The following TGFBRAP1 variants were observed in gnomAD, a reference collection of about 807,000 sequenced individuals.
TGFBRAP1 encodes transforming growth factor beta receptor associated protein 1.
Under a neutral mutation model 83.2 loss-of-function variants are expected in TGFBRAP1, and 20 were observed. That is an observed-to-expected ratio of 0.24 (90% CI 0.17 to 0.35). TGFBRAP1 has a LOEUF of 0.35. Ranked by LOEUF, TGFBRAP1 falls within the 10% of genes least tolerant of loss-of-function variation. The pLI is 1.00. For synonymous variants in TGFBRAP1, 415 were observed against 459.8 expected, an observed-to-expected ratio of 0.90 and a Z score of 1.25; for missense variants, 950 against 1,099.4, an observed-to-expected ratio of 0.86 and a Z score of 1.92.
In TGFBRAP1 at chr2:105,314,592, G is replaced by A. The variant is rs528756874; in HGVS notation, c.-17-6274C>T. Among the ~76,000 whole-genome samples, 27 of 151,966 alleles carry A rather than the reference G, an allele frequency of 1.8e-4. No individual in the cohort carries two copies. In the South Asian group the frequency reaches 3.3e-3, roughly 19 times the overall value. On this transcript the variant is annotated intron_variant, in intron 1 of 11. Transcript: ENST00000393359. ...ACGGCAGCCCTAGAAAGTAATACAC[G>A]ATCTCAGTTCAACACTGTATTAGGA...
At chr2:105,259,586 T>C (rs1676742492), downstream of TGFBRAP1, among the ~76,000 whole-genome samples, 1 of 151,890 alleles carries the variant, frequency 6.6e-6, no homozygotes. Context: ...GTTGTAGAGG[T>C]TTATATGAAG....
chr2:105,268,095 C>G (rs1431109359), intron 11 of TGFBRAP1, among the ~76,000 whole-genome samples: 1 of 152,204 alleles, frequency 6.6e-6, no homozygotes, highest in Non-Finnish European at 1.5e-5. Flanking sequence ...CGGTCCCTGT[C>G]TGATCAACAG....
At chr2:105,326,075 CTTAATA>C (rs1461630347) in intron 1 of TGFBRAP1, among the ~76,000 whole-genome samples, 1 of 151,992 alleles carries the variant, frequency 6.6e-6, no homozygotes, top group African/African-American at 2.4e-5. Flanking sequence ...AACTTGTCAT[CTTAATA>C]TTATCATGAT....
intron 4 of TGFBRAP1, among the ~76,000 whole-genome samples, chr2:105,293,590 C>T (rs1310539199): frequency 6.6e-6 from 1 of 152,200 alleles, no homozygotes; most frequent in Non-Finnish European, 1.5e-5. Flanking sequence ...AGCATGTGGT[C>T]ACAAACACTC....
intron 6 of TGFBRAP1, among the ~76,000 whole-genome samples, chr2:105,278,068 ATGTGTG>A (rs56983977): frequency 0.091 from 13,282 of 145,406 alleles, 817 homozygotes; most frequent in African/African-American, 0.17. Context: ...CAAAAAATAT[ATGTGTG>A]TGTGTGTGTG....
At chr2:105,304,646 G>T (rs1678432489) in intron 2 of TGFBRAP1, among the ~76,000 whole-genome samples, 1 of 152,206 alleles carries the variant, frequency 6.6e-6, no homozygotes, top group Admixed American at 6.5e-5. Context: ...AGCTGAGCAT[G>T]GTGGCACATG....
In TGFBRAP1 at chr2:105,308,214, C is replaced by A; in HGVS notation, c.88G>T (p.Val30Leu). Residue 30 changes from valine (V) to leucine (L), a missense_variant, in exon 2 of 12, where the codon GTG becomes TTG. Coordinates refer to ENST00000393359, the MANE Select transcript of TGFBRAP1 (RefSeq NM_004257.6). ...TAGAGGTCCCTGCCGCAGCACTCCA[C>A]GCACTCTATGTTGACGCGCTCCTTG... ...GDKERVNIECVECCGRDLYVG... is the reference protein window; with the variant it reads ...GDKERVNIECLECCGRDLYVG... 1.9e-6 allele frequency: 3 copies of A among 1,614,240 alleles called. No individual in the cohort carries two copies. The highest frequency in any genetic ancestry group is 2.5e-6 in the Non-Finnish European group (3 of 1,180,046).
At chr2:105,263,616 G>A (rs983364630), downstream of TGFBRAP1, among the ~76,000 whole-genome samples, 2 of 152,164 alleles carry the variant, frequency 1.3e-5, no homozygotes, top group Non-Finnish European at 2.9e-5. Context: ...GGTGACTCAC[G>A]CCTGTAATCC....
At chr2:105,268,610 G>A (rs1176333027) in intron 11 of TGFBRAP1, among the ~76,000 whole-genome samples, 2 of 152,204 alleles carry the variant, frequency 1.3e-5, no homozygotes, top group African/African-American at 4.8e-5. Flanking sequence ...GAGAGAGGTG[G>A]GGAGGGATAT....
intron 1 of TGFBRAP1, among the ~76,000 whole-genome samples, chr2:105,320,494 T>C (rs1170513377): frequency 1.3e-5 from 2 of 151,646 alleles, no homozygotes; most frequent in East Asian, 3.9e-4. Flanking sequence ...CTGAAGGCAA[T>C]GCAGAAAGGA....
rs1363667688 is a variant in TGFBRAP1, at chr2:105,264,931, G to A, written c.*2452C>T. The A allele has an allele frequency of 6.6e-6, 1 of 152,186 alleles. No homozygotes were observed. Among genetic ancestry groups the A allele is most frequent in the Non-Finnish European group, 1.5e-5 (1 of 68,040 alleles). 9.4% of individuals were successfully genotyped at this position (152,186 alleles called of 1,614,324 possible). On this transcript the variant is annotated 3_prime_UTR_variant, in exon 12 of 12. Coordinates refer to ENST00000393359, the MANE Select transcript of TGFBRAP1 (RefSeq NM_004257.6). ...CGATGGCACAGTTACAAATCAGCAG[G>A]CCTGTGAGAAAGAACCATACATTTC...
In TGFBRAP1 at chr2:105,269,538, G is replaced by A; in HGVS notation, c.2140C>T (p.Gln714Ter). 2 of 1,612,284 alleles carry A rather than the reference G, an allele frequency of 1.2e-6. No homozygotes were observed. Among genetic ancestry groups the A allele is most frequent in the Non-Finnish European group, 8.5e-7 (1 of 1,178,890 alleles). The change falls in exon 11 of 12, where the codon CAA becomes TAA. Residue 714 changes from glutamine (Q) to a stop codon, truncating the protein, a stop_gained. Transcript: ENST00000393359. LOFTEE classifies it high-confidence loss of function. The surrounding 1 kb of genome is among the most constrained non-coding windows in gnomAD (Gnocchi z 4.1). ...SEGRDPPHRQ[Q>*]LFHTLLAIYL... ...ATGGCCAGCAGCGTGTGAAAGAGTT[G>A]CTGGCGGTGGGGTGGGTCTCGGCCC...
In TGFBRAP1 at chr2:105,298,747, C is replaced by G. The variant is rs1162345805; in HGVS notation, c.689-42G>C. 3 of 1,513,726 alleles carry G rather than the reference C, an allele frequency of 2.0e-6. No homozygotes were observed. The African/African-American group carries it at 4.2e-5, about 21-fold the overall frequency. 93.8% of individuals were successfully genotyped at this position (1,513,726 alleles called of 1,614,324 possible). A position where few individuals can be genotyped will look rare whatever the true frequency, so the allele number is the denominator to read the frequency against. On this transcript the variant is annotated intron_variant, in intron 2 of 11. Coordinates refer to ENST00000393359, the MANE Select transcript of TGFBRAP1 (RefSeq NM_004257.6). ...AGAGTTAGGTAGGCTTCCAAATAAGCATGGTGTCATTTTCCTGTAGCTATG... is the reference window on the plus strand; with the variant it reads ...AGAGTTAGGTAGGCTTCCAAATAAGGATGGTGTCATTTTCCTGTAGCTATG...
At chr2:105,298,363 T>G in intron 3 of TGFBRAP1, 148 bp downstream of exon 3, 1 of 752,588 alleles carries the variant, frequency 1.3e-6, no homozygotes, top group Non-Finnish European at 2.0e-6. Context: ...CCACTAACTG[T>G]GCAGCCCCTG....
intron 1 of TGFBRAP1, among the ~76,000 whole-genome samples, chr2:105,327,657 C>T (rs1279732997): frequency 6.6e-6 from 1 of 152,122 alleles, no homozygotes; most frequent in Admixed American, 6.6e-5. Context: ...TTTTAAAACT[C>T]CTCAACTGGA....
At chr2:105,259,293 G>A in the TGFBRAP1 span, among the ~76,000 whole-genome samples, 1 of 152,112 alleles carries the variant, frequency 6.6e-6, no homozygotes, top group Non-Finnish European at 1.5e-5. Flanking sequence ...TGATACACAG[G>A]GAGAAGTGAA....
chr2:105,291,327 C>T (rs1426473117), intron 4 of TGFBRAP1, among the ~76,000 whole-genome samples: 1 of 152,166 alleles, frequency 6.6e-6, no homozygotes, highest in African/African-American at 2.4e-5. Flanking sequence ...CGTACAGACA[C>T]CTGGATCTTG....
intron 2 of TGFBRAP1, 81 bp from the exon 3 acceptor site, chr2:105,298,786 C>T (rs1678179978): frequency 4.5e-6 from 6 of 1,343,688 alleles, no homozygotes; most frequent in East Asian, 2.5e-5. Context: ...GGATGCAGAC[C>T]GACCCCTGCC....
At chr2:105,294,939 A>G (rs3749068) in intron 4 of TGFBRAP1, among the ~76,000 whole-genome samples, 55,803 of 152,022 alleles carry the variant, frequency 0.37, 10,625 homozygotes, top group East Asian at 0.62. Context: ...ACATCCACCG[A>G]GAGCAGCTTG....
Sources: allele counts gnomAD v4.1 joint callset (sites outside exome capture counted in the v4.1 genomes callset), GRCh38; gene constraint gnomAD v4.1.1; non-coding constraint Gnocchi (gnomAD v3.1); transcripts MANE v1.5; gene names NCBI Gene and HGNC (gene_info 2026-07-23, HGNC 2026-07-21).